CBLN2: variants seen among roughly 807,000 people sequenced by gnomAD.
The protein encoded by CBLN2 is cerebellin-2.
A neutral mutation model predicts 15.0 loss-of-function variants in CBLN2; 7 were observed. The observed-to-expected ratio is 0.47, with a 90% CI of 0.27 to 0.88. The LOEUF (loss-of-function observed/expected upper bound fraction) is 0.88. CBLN2 is among the 40% of genes least tolerant of loss of function. The probability of loss-of-function intolerance (pLI) is 0.14; values close to 1 mark genes in which losing one functional copy is unlikely to be tolerated. For synonymous variants in CBLN2, 149 were observed against 135.2 expected (o/e 1.10, Z -0.71); for missense variants, 242 against 304.5 (o/e 0.79, Z 1.53).
intron 1 of CBLN2, among the ~76,000 whole-genome samples, chr18:72,555,500 G>A (rs1225627066): frequency 6.6e-6 from 1 of 152,034 alleles, no homozygotes; most frequent in Non-Finnish European, 1.5e-5. Context: ...ATTAGGTTGA[G>A]TTGTTGCCGT....
At chr18:72,637,836 A>G in intron 1 of CBLN2, among the ~76,000 whole-genome samples, 1 of 152,208 alleles carries the variant, frequency 6.6e-6, no homozygotes, top group Non-Finnish European at 1.5e-5. Context: ...AATTTCCAAG[A>G]GTAGTATGTG....
chr18:72,632,197 T>C (rs955776215), intron 1 of CBLN2, among the ~76,000 whole-genome samples: 2 of 152,106 alleles, frequency 1.3e-5, no homozygotes, highest in Admixed American at 6.6e-5. Context: ...AATTAATCAA[T>C]ATGAGAAGCC....
chr18:72,623,904 C>A (rs1448697699), intron 1 of CBLN2, among the ~76,000 whole-genome samples: 1 of 152,156 alleles, frequency 6.6e-6, no homozygotes, highest in African/African-American at 2.4e-5. Flanking sequence ...CTTAAAAATA[C>A]TTCTGCTTTT....
upstream of CBLN2, among the ~76,000 whole-genome samples, chr18:72,547,187 T>C (rs1219455670): frequency 1.3e-5 from 2 of 151,056 alleles, no homozygotes; most frequent in African/African-American, 4.9e-5. Flanking sequence ...ATGAAAAGAA[T>C]GAAATCATGT....
chr18:72,596,583 G>A (rs1652388807), intron 1 of CBLN2, among the ~76,000 whole-genome samples: 1 of 152,072 alleles, frequency 6.6e-6, no homozygotes, highest in Admixed American at 6.6e-5. Context: ...ATTTCTTTTA[G>A]CATTTCTTGT....
At chr18:72,623,914 T>C (rs2069717254) in intron 1 of CBLN2, among the ~76,000 whole-genome samples, 1 of 152,300 alleles carries the variant, frequency 6.6e-6, no homozygotes, top group African/African-American at 2.4e-5. Flanking sequence ...CTTCTGCTTT[T>C]TATTTCAGGA....
rs927485094 is a variant in CBLN2, at chr18:72,637,098, G to A, written c.15+1227C>T. On this transcript the variant is annotated intron_variant, in intron 1 of 2. Coordinates refer to the CBLN2 transcript ENST00000581073. ...AACAGCTGAAGCAGCAATGAGGTAG[G>A]GAATGGAAAGCAAGGGGAATTTTAT... 3.3e-5 allele frequency among the ~76,000 whole-genome samples: 5 copies of A among 151,258 alleles called. No homozygotes were observed. The South Asian group carries it at 1.0e-3, about 31-fold the overall frequency.
At chr18:72,575,376 C>A (rs1365969386) in intron 1 of CBLN2, among the ~76,000 whole-genome samples, 1 of 151,962 alleles carries the variant, frequency 6.6e-6, no homozygotes, top group South Asian at 2.1e-4. Flanking sequence ...GACAGAGTGG[C>A]AATGAGTCAG....
At chr18:72,620,603 T>G (rs2069694550) in intron 1 of CBLN2, 1 of 152,150 alleles carries the variant, frequency 6.6e-6, no homozygotes, top group Non-Finnish European at 1.5e-5. Context: ...GTTGGTAGTA[T>G]AGGAAAAGGC....
chr18:72,613,614 G>A (rs896728042), intron 1 of CBLN2, among the ~76,000 whole-genome samples: 2 of 152,164 alleles, frequency 1.3e-5, no homozygotes, highest in Non-Finnish European at 2.9e-5. Context: ...GGGGTCAGAA[G>A]GAGGCAGGCT....
At chr18:72,630,564 C>CAGAGAGAG (rs368831135) in intron 1 of CBLN2, among the ~76,000 whole-genome samples, 25 of 135,600 alleles carry the variant, frequency 1.8e-4, no homozygotes, top group African/African-American at 6.2e-4. Context: ...CACACACATG[C>CAGAGAGAG]AGAGAGAGAG....
Position 72,542,299 on chromosome 18 carries a change from C to A in CBLN2, c.-139G>T. ...CGGCTCTGACGTTCAAGGCCAGGGT[C>A]GTTCTCAGAAGAAAGGCGCCTGTGA... On this transcript the variant is annotated 5_prime_UTR_variant, in exon 3 of 5. Coordinates refer to ENST00000269503, the MANE Select transcript of CBLN2 (RefSeq NM_182511.4). The A allele has an allele frequency of 2.3e-6, 1 of 438,972 alleles. No individual in the cohort carries two copies. Among genetic ancestry groups the A allele is most frequent in the Non-Finnish European group, 3.4e-6 (1 of 295,676 alleles). The allele number at this position is 438,972 out of a possible 1,614,324, so 27.2% of individuals were successfully genotyped here. A position where few individuals can be genotyped will look rare whatever the true frequency, so the allele number is the denominator to read the frequency against.
rs558908496 is a variant in CBLN2, at chr18:72,538,620, A to C, written c.477+33T>G. ...TTAGCAATGGGGAACTATTAACTCA[A>C]ACCTGAAAGGATCCAGTTTCAAATC... On this transcript the variant is annotated intron_variant, in intron 4 of 4. Transcript: ENST00000269503. 6 of 1,612,430 alleles carry C rather than the reference A, an allele frequency of 3.7e-6. No individual in the cohort carries two copies. In the East Asian group the frequency reaches 1.3e-4, roughly 36 times the overall value.
At chr18:72,604,055 G>T (rs1220945981) in intron 1 of CBLN2, among the ~76,000 whole-genome samples, 1 of 152,156 alleles carries the variant, frequency 6.6e-6, no homozygotes, top group African/African-American at 2.4e-5. Context: ...GCATCCCTGA[G>T]GGTGGGGTCT....
intron 1 of CBLN2, among the ~76,000 whole-genome samples, chr18:72,604,212 A>G (rs1379994513): frequency 6.6e-6 from 1 of 152,174 alleles, no homozygotes; most frequent in African/African-American, 2.4e-5. Context: ...GACCTGTTGA[A>G]ACAGTCTGCT....
chr18:72,626,986 G>A (rs569708493), intron 1 of CBLN2, among the ~76,000 whole-genome samples: 2 of 152,174 alleles, frequency 1.3e-5, no homozygotes, highest in Non-Finnish European at 2.9e-5. Flanking sequence ...CATGCAGTGT[G>A]TACTCTTTCA....
upstream of CBLN2, among the ~76,000 whole-genome samples, chr18:72,546,709 G>T (rs1054443699): frequency 2.0e-5 from 3 of 152,124 alleles, no homozygotes; most frequent in African/African-American, 7.2e-5. Context: ...TTTTGTCTGG[G>T]ATATAACACG....
At chr18:72,554,955 G>C (rs1205537394) in intron 1 of CBLN2, among the ~76,000 whole-genome samples, 1 of 152,060 alleles carries the variant, frequency 6.6e-6, no homozygotes, top group Non-Finnish European at 1.5e-5. Flanking sequence ...AGCCAACATG[G>C]TGAAAACCCG....
At chr18:72,547,462 A>T (rs1464977754), upstream of CBLN2, among the ~76,000 whole-genome samples, 1 of 152,194 alleles carries the variant, frequency 6.6e-6, no homozygotes, top group African/African-American at 2.4e-5. Context: ...ATCTATTTTT[A>T]AAATTAAAAA....
Sources: allele counts gnomAD v4.1 joint callset (sites outside exome capture counted in the v4.1 genomes callset), GRCh38; gene constraint gnomAD v4.1.1; transcripts MANE v1.5; gene names NCBI Gene and HGNC (gene_info 2026-07-23, HGNC 2026-07-21).